DLGAP2: variants seen among roughly 807,000 people sequenced by gnomAD.
The protein encoded by DLGAP2 is disks large-associated protein 2.
Under a neutral mutation model 100.3 loss-of-function variants are expected in DLGAP2, and 26 were observed. The observed-to-expected ratio is 0.26, with a 90% CI of 0.19 to 0.36. DLGAP2 has a LOEUF of 0.36. Ranked by LOEUF, DLGAP2 falls within the 10% of genes least tolerant of loss-of-function variation. The probability of loss-of-function intolerance (pLI) is 1.00; values close to 1 mark genes in which losing one functional copy is unlikely to be tolerated. For missense variants in DLGAP2, 1,858 were observed against 1,453.2 expected (o/e 1.28, Z -4.53); for synonymous variants, 886 against 630.1 (o/e 1.41, Z -6.08).
intron 5 of DLGAP2, 145 bp downstream of exon 5, chr8:1,549,828 A>G (rs1165948450): frequency 3.1e-6 from 3 of 961,698 alleles, no homozygotes; most frequent in East Asian, 2.7e-5. Flanking sequence ...GTTCTGGGAC[A>G]GCTCCACTGA....
chr8:1,654,764 T>C (rs1798246848), intron 8 of DLGAP2, among the ~76,000 whole-genome samples: 1 of 152,162 alleles, frequency 6.6e-6, no homozygotes, highest in Non-Finnish European at 1.5e-5. Context: ...GTTTTTTGTG[T>C]GTGTTGATGT....
At chr8:1,294,585 G>A (rs919530757) in intron 3 of DLGAP2, among the ~76,000 whole-genome samples, 2 of 152,158 alleles carry the variant, frequency 1.3e-5, no homozygotes, top group African/African-American at 4.8e-5. Flanking sequence ...GCATCACTGG[G>A]TCAATGTCGA....
At chr8:1,413,799 A>T (rs1796800324) in intron 3 of DLGAP2, among the ~76,000 whole-genome samples, 1 of 152,282 alleles carries the variant, frequency 6.6e-6, no homozygotes, top group Non-Finnish European at 1.5e-5. Context: ...AAGCTCCATC[A>T]GTGCACACAC....
chr8:928,246 G>A (rs575251993), intron 2 of DLGAP2, among the ~76,000 whole-genome samples: 3 of 152,168 alleles, frequency 2.0e-5, no homozygotes, highest in African/African-American at 7.2e-5. Flanking sequence ...CCCTGAGGTC[G>A]AGTTTGCGTT....
At chr8:1,190,604 C>G (rs1371151824) in intron 2 of DLGAP2, among the ~76,000 whole-genome samples, 2 of 152,178 alleles carry the variant, frequency 1.3e-5, no homozygotes, top group East Asian at 3.9e-4. Context: ...GCATTGAGAG[C>G]CAAAACAGCT....
intron 2 of DLGAP2, among the ~76,000 whole-genome samples, chr8:1,106,071 A>AG (rs150640171): frequency 0.028 from 3,755 of 133,920 alleles, 653 homozygotes; most frequent in African/African-American, 0.12. Context: ...TTTTCTATTG[A>AG]GGGGAGCCAT....
intron 2 of DLGAP2, among the ~76,000 whole-genome samples, chr8:1,094,218 G>A (rs746361032): frequency 4.6e-5 from 7 of 152,320 alleles, no homozygotes; most frequent in East Asian, 1.9e-4. Context: ...GACTTTGGAC[G>A]GTAGAGCTGG....
chr8:746,237 T>C (rs1031668092), intron 1 of DLGAP2, among the ~76,000 whole-genome samples: 1 of 152,240 alleles, frequency 6.6e-6, no homozygotes, highest in Admixed American at 6.5e-5. Flanking sequence ...GACTTATTTA[T>C]TTTCGATGTT....
chr8:1,367,738 C>T (rs550083268), intron 3 of DLGAP2, among the ~76,000 whole-genome samples: 8 of 152,334 alleles, frequency 5.3e-5, no homozygotes, highest in African/African-American at 1.9e-4. Context: ...TTCCCTATTG[C>T]AGCACGTCCT....
At chr8:1,437,523 G>A (rs4524827) in intron 3 of DLGAP2, among the ~76,000 whole-genome samples, 1 of 152,094 alleles carries the variant, frequency 6.6e-6, no homozygotes, top group African/African-American at 2.4e-5. Context: ...TAACCTCCTG[G>A]AACACCTTAG....
intron 8 of DLGAP2, among the ~76,000 whole-genome samples, chr8:1,644,413 T>C (rs1797991070): frequency 6.6e-6 from 1 of 152,230 alleles, no homozygotes; most frequent in South Asian, 2.1e-4. Flanking sequence ...CAGCCAGTCT[T>C]CCTGAAATTC....
intron 4 of DLGAP2, among the ~76,000 whole-genome samples, chr8:1,513,028 T>C (rs9314432): frequency 0.63 from 90,865 of 143,590 alleles, 28,852 homozygotes; most frequent in South Asian, 0.8. Flanking sequence ...CAGAGGAGGA[T>C]GGAAGAGGCC....
chr8:805,670 C>T (rs964955662), intron 1 of DLGAP2, among the ~76,000 whole-genome samples: 10 of 152,126 alleles, frequency 6.6e-5, no homozygotes, highest in Admixed American at 3.3e-4. Flanking sequence ...GGCAGTGGCA[C>T]GATCTGGGCT....
chr8:897,696 C>T (rs1311705743), intron 1 of DLGAP2, among the ~76,000 whole-genome samples: 1 of 152,210 alleles, frequency 6.6e-6, no homozygotes, highest in Non-Finnish European at 1.5e-5. Flanking sequence ...CGCCCCTCCC[C>T]CTCCCCACGG....
intron 3 of DLGAP2, among the ~76,000 whole-genome samples, chr8:1,436,753 CCACCCACT>C (rs1164784138): frequency 6.6e-6 from 1 of 151,988 alleles, no homozygotes; most frequent in African/African-American, 2.4e-5. Context: ...ACCCATTCAC[CCACCCACT>C]CACCCGGTCA....
At chr8:918,745 G>A (rs577934052) in intron 2 of DLGAP2, among the ~76,000 whole-genome samples, 1 of 152,232 alleles carries the variant, frequency 6.6e-6, no homozygotes, top group Admixed American at 6.5e-5. Flanking sequence ...TTCTTTTATA[G>A]CTTTTTAGAC....
At chr8:1,589,628 T>C (rs4291293) in intron 6 of DLGAP2, among the ~76,000 whole-genome samples, 80,246 of 152,024 alleles carry the variant, frequency 0.53, 21,973 homozygotes, top group African/African-American at 0.68. Flanking sequence ...TGTTATTGTT[T>C]GTAGAGATGG....
intron 3 of DLGAP2, among the ~76,000 whole-genome samples, chr8:1,452,755 C>T (rs1027735438): frequency 2.6e-5 from 4 of 152,044 alleles, no homozygotes; most frequent in African/African-American, 4.8e-5. Flanking sequence ...CAGTGGTTCT[C>T]CAGGTGTTTC....
intron 2 of DLGAP2, among the ~76,000 whole-genome samples, chr8:1,068,741 G>GACAGAGGGAGGGAAGGGC (rs1803334383): frequency 9.9e-5 from 15 of 152,242 alleles, no homozygotes; most frequent in African/African-American, 3.4e-4. Flanking sequence ...GCGCATGTGG[G>GACAGAGGGAGGGAAGGGC]TCCGGGATAT....
Sources: gnomAD v4.1 joint callset for allele counts (sites outside exome capture counted in the v4.1 genomes callset) on GRCh38, gnomAD v4.1.1 for gene constraint, MANE v1.5 for transcripts, NCBI Gene and HGNC (gene_info 2026-07-23, HGNC 2026-07-21) for gene names.